EPHX3: variants seen among roughly 807,000 people sequenced by gnomAD.
EPHX3 encodes the protein abhydrolase domain containing 9.
Under a neutral mutation model 40.2 loss-of-function variants are expected in EPHX3, and 39 were observed. The observed-to-expected ratio is 0.97, with a 90% CI of 0.75 to 1.27. The LOEUF (loss-of-function observed/expected upper bound fraction) is 1.27, where lower values mean the gene tolerates loss of function less well. EPHX3 is among the 50% of genes most tolerant of loss of function. EPHX3 has a pLI of 0.00. For synonymous variants in EPHX3, 213 were observed against 209.7 expected (o/e 1.02, Z -0.14); for missense variants, 442 against 474.0 (o/e 0.93, Z 0.63).
chr19:15,230,894 A>C lies in EPHX3; in HGVS notation c.616+68T>G, dbSNP rs112102458. 1,998 of 1,582,168 alleles carry C rather than the reference A, an allele frequency of 1.3e-3. 45 individuals are homozygous for C. The African/African-American group carries it at 0.024, about 19-fold the overall frequency. ...GTTGACAGGTATACAGAGAATTGAAAACACAGACACATGTCCCTGCCCCCT... is the reference window on the plus strand; with the variant it reads ...GTTGACAGGTATACAGAGAATTGAACACACAGACACATGTCCCTGCCCCCT... On this transcript the variant is annotated intron_variant, in intron 4 of 6. Transcript: ENST00000221730.
intron 2 of EPHX3, 22 bp from the exon 3 acceptor site, chr19:15,231,418 G>A (rs1171357783): frequency 1.2e-6 from 2 of 1,611,426 alleles, no homozygotes; most frequent in Admixed American, 1.7e-5. Flanking sequence ...GCGAGGGAGG[G>A]AGGCTGAGTC....
At chr19:15,230,091 G>T (rs982841219) in intron 4 of EPHX3, among the ~76,000 whole-genome samples, 3 of 151,686 alleles carry the variant, frequency 2.0e-5, no homozygotes, top group Non-Finnish European at 2.9e-5. Flanking sequence ...CCTTAAGTAG[G>T]TTACTGTGTG....
In EPHX3 at chr19:15,227,776, G is replaced by C. The variant is rs2047123524; in HGVS notation, c.852C>G (p.Leu284=). The C allele has an allele frequency of 6.2e-7, 1 of 1,613,790 alleles. No individual in the cohort carries two copies. Among genetic ancestry groups the C allele is most frequent in the Non-Finnish European group, 8.5e-7 (1 of 1,179,956 alleles). Reference sequence around the variant, plus strand: ...TGCTTGGCAACTGGTCTCACCTGAAGAGGTTTCGGTAGTAGTTGAGGGGCC... The same window carrying C: ...TGCTTGGCAACTGGTCTCACCTGAACAGGTTTCGGTAGTAGTTGAGGGGCC... ...LTGPLNYYRN[L]FRNFPLEPQE... Residue 284 remains leucine, a synonymous_variant, in exon 6 of 7, where the codon CTC becomes CTG. Transcript: ENST00000221730.
At position 15,227,327 on chromosome 19, in the gene EPHX3, C is replaced by T. The variant is rs2047118973; in HGVS notation, c.*110G>A. ...AGGAGTCCCATGCCTATGAGCGATT[C>T]AAGAGTTCACCCATGTATGGACATT... On this transcript the variant is annotated 3_prime_UTR_variant, in exon 7 of 7. Coordinates refer to ENST00000221730, the MANE Select transcript of EPHX3 (RefSeq NM_024794.3). 1 of 921,682 alleles carries T rather than the reference C, an allele frequency of 1.1e-6. No homozygotes were observed. Among genetic ancestry groups the T allele is most frequent in the Admixed American group, 2.1e-5 (1 of 47,682 alleles). The allele number at this position is 921,682 out of a possible 1,614,324, so 57.1% of individuals were successfully genotyped here. A position where few individuals can be genotyped will look rare whatever the true frequency, so the allele number is the denominator to read the frequency against.
At chr19:15,229,347 C>T (rs989669626) in intron 4 of EPHX3, among the ~76,000 whole-genome samples, 10 of 152,224 alleles carry the variant, frequency 6.6e-5, no homozygotes, top group Admixed American at 2.0e-4. Context: ...CTCCTGTAAT[C>T]CCAGCACTTT....
upstream of EPHX3, among the ~76,000 whole-genome samples, chr19:15,233,830 C>G (rs1306189233): frequency 6.6e-6 from 1 of 151,996 alleles, no homozygotes; most frequent in Non-Finnish European, 1.5e-5. Flanking sequence ...TTTGGGAGGC[C>G]GAGGCGGGCG....
upstream of EPHX3, among the ~76,000 whole-genome samples, chr19:15,234,872 T>C (rs974477276): frequency 6.6e-6 from 1 of 152,248 alleles, no homozygotes; most frequent in African/African-American, 2.4e-5. Context: ...GAACAATGCA[T>C]CTCAAGAGCC....
chr19:15,231,279 G>A lies in EPHX3; in HGVS notation c.447C>T (p.Asp149=). Residue 149 remains aspartate (D), a synonymous_variant, in exon 3 of 7, where the codon GAC becomes GAT. Coordinates refer to ENST00000221730, the MANE Select transcript of EPHX3 (RefSeq NM_024794.3). The part of the protein sequence containing the change: ...APRDVDCYTI[D]LLLVDIKDVI... Reference sequence around the variant, plus strand: ...CATCTTTGATGTCCACCAGCAGCAGGTCGATTGTGTAGCAGTCCACATCCC... The same window carrying A: ...CATCTTTGATGTCCACCAGCAGCAGATCGATTGTGTAGCAGTCCACATCCC... The A allele has an allele frequency of 6.2e-7, 1 of 1,614,012 alleles. No homozygotes were observed. The highest frequency in any genetic ancestry group is 8.5e-7 in the Non-Finnish European group (1 of 1,180,008).
At position 15,232,134 on chromosome 19, in the gene EPHX3, G is replaced by A; in HGVS notation, c.78C>T (p.Ser26=). The change falls in exon 1 of 7, where the codon AGC becomes AGT. Residue 26 remains serine (S), a synonymous_variant. Coordinates refer to ENST00000221730, the MANE Select transcript of EPHX3 (RefSeq NM_024794.3). Reference sequence around the variant, plus strand: ...CCACCAGCGCCACCGAGAACACCAGGCTCCACATGAAGGCGCGCAGCAGCT... The same window carrying A: ...CCACCAGCGCCACCGAGAACACCAGACTCCACATGAAGGCGCGCAGCAGCT... ...SLKLLRAFMW[S]LVFSVALVAA... 1 of 1,540,260 alleles carries A rather than the reference G, an allele frequency of 6.5e-7. No individual in the cohort carries two copies. Among genetic ancestry groups the A allele is most frequent in the Non-Finnish European group, 8.7e-7 (1 of 1,150,302 alleles).
chr19:15,236,900 G>C (rs2047196099), upstream of EPHX3: 1 of 201,012 alleles, frequency 5.0e-6, no homozygotes, highest in Admixed American at 6.1e-5. Flanking sequence ...TTCACCGTAT[G>C]AAAGTCAAAC....
chr19:15,236,634 C>T (rs2047194003), upstream of EPHX3: 1 of 158,912 alleles, frequency 6.3e-6, no homozygotes, highest in South Asian at 2.0e-4. Flanking sequence ...GGGTACCGGG[C>T]TCTGCGTCAC....
chr19:15,231,450 C>A, intron 2 of EPHX3, 54 bp from the exon 3 acceptor site: 1 of 1,582,096 alleles, frequency 6.3e-7, no homozygotes, highest in Non-Finnish European at 8.6e-7. Flanking sequence ...GTTGCACCTG[C>A]ACCCTACGCA....
In EPHX3 at chr19:15,227,321, G is replaced by A. The variant is rs2047118873; in HGVS notation, c.*116C>T. ...GGATCCAGGAGTCCCATGCCTATGA[G>A]CGATTCAAGAGTTCACCCATGTATG... On this transcript the variant is annotated 3_prime_UTR_variant, in exon 7 of 7. Coordinates refer to ENST00000221730, the MANE Select transcript of EPHX3 (RefSeq NM_024794.3). The A allele has an allele frequency of 1.2e-6, 1 of 856,012 alleles. No homozygotes were observed. The highest frequency in any genetic ancestry group is 2.6e-5 in the East Asian group (1 of 38,102). The allele number at this position is 856,012 out of a possible 1,614,324, so 53.0% of individuals were successfully genotyped here.
rs1426672543 is a variant in EPHX3, at chr19:15,231,779, T to G, written c.326A>C (p.Asn109Thr). 1 of 1,613,630 alleles carries G rather than the reference T, an allele frequency of 6.2e-7. No homozygotes were observed. Among genetic ancestry groups the G allele is most frequent in the Admixed American group, 1.7e-5 (1 of 60,006 alleles). The change falls in exon 2 of 7, where the codon AAC (asparagine) becomes ACC (threonine). Residue 109 changes from asparagine to threonine, a missense_variant. Physicochemically the swap from Asn to Thr is moderately conservative, Grantham distance 65 (BLOSUM62 0). Coordinates refer to ENST00000221730, the MANE Select transcript of EPHX3 (RefSeq NM_024794.3). The part of the protein sequence containing the change: ...LMLFLHGFPE[N>T]WFSWRYQLRE... ...AGGCCCCTGGCCCCAGACGTACCAG[T>G]TCTCAGGGAAGCCGTGCAGAAACAG...
At chr19:15,231,199 G>A in intron 3 of EPHX3, 40 bp downstream of exon 3, 1 of 1,613,384 alleles carries the variant, frequency 6.2e-7, no homozygotes, top group Non-Finnish European at 8.5e-7. Flanking sequence ...GTGTGTGCAG[G>A]ATGAGGGAGG....
At position 15,228,245 on chromosome 19, in the gene EPHX3, C is replaced by A. The variant is rs545212268; in HGVS notation, c.617-145G>T. The A allele has an allele frequency of 3.2e-3, 2,080 of 646,918 alleles. 6 individuals are homozygous for A. Among genetic ancestry groups the A allele is most frequent in the Admixed American group, 4.4e-3 (153 of 34,868 alleles). 40.1% of individuals were successfully genotyped at this position (646,918 alleles called of 1,614,324 possible). A position where few individuals can be genotyped will look rare whatever the true frequency, so the allele number is the denominator to read the frequency against. On this transcript the variant is annotated intron_variant, in intron 4 of 6. Transcript: ENST00000221730. ...CCTGGGTCTGTGAAGGTACTAGATA[C>A]CCCTCCTGGCCTGGGCACCAGCTAC...
Position 15,232,167 on chromosome 19 carries a change from C to G in EPHX3, c.45G>C (p.Leu15=). 1.3e-6 allele frequency: 2 copies of G among 1,525,432 alleles called. No homozygotes were observed. The highest frequency in any genetic ancestry group is 8.7e-7 in the Non-Finnish European group (1 of 1,143,806). 94.5% of individuals were successfully genotyped at this position (1,525,432 alleles called of 1,614,324 possible). ...TGAAGGCGCGCAGCAGCTTCAGCGACAGGCGCGACGGCGCCAGCAGCGCGG... is the reference window on the plus strand; with the variant it reads ...TGAAGGCGCGCAGCAGCTTCAGCGAGAGGCGCGACGGCGCCAGCAGCGCGG... ...VVTALLAPSR[L]SLKLLRAFMW... is the part of the protein sequence containing the mutation. Residue 15 remains leucine (L), a synonymous_variant, in exon 1 of 7, where the codon CTG becomes CTC. Coordinates refer to ENST00000221730, the MANE Select transcript of EPHX3 (RefSeq NM_024794.3).
At chr19:15,228,698 T>G (rs2145480247) in intron 4 of EPHX3, among the ~76,000 whole-genome samples, 1 of 151,636 alleles carries the variant, frequency 6.6e-6, no homozygotes, top group Admixed American at 6.6e-5. Context: ...TTTTTGTATT[T>G]TTAGTAGAGA....
upstream of EPHX3, chr19:15,236,146 A>C (rs907820975): frequency 2.0e-5 from 3 of 152,220 alleles, no homozygotes; most frequent in Non-Finnish European, 4.4e-5. Context: ...AGGACCTTTC[A>C]GGTCAAAAAG....
Sources: allele counts gnomAD v4.1 joint callset (sites outside exome capture counted in the v4.1 genomes callset), GRCh38; gene constraint gnomAD v4.1.1; transcripts MANE v1.5; gene names NCBI Gene and HGNC (gene_info 2026-07-23, HGNC 2026-07-21).